Variants in CFAP54 observed in about 807,000 individuals in gnomAD.
The protein encoded by CFAP54 is cilia and flagella associated protein 54, also known as cilia- and flagella-associated protein 54.
Under a neutral mutation model 370.4 loss-of-function variants are expected in CFAP54, and 290 were observed. The ratio of observed to expected loss-of-function variants is 0.78; its 90% CI spans 0.71 to 0.86. The LOEUF (loss-of-function observed/expected upper bound fraction) is 0.86, where lower values mean the gene tolerates loss of function less well. Ranked by LOEUF, CFAP54 falls within the 40% of genes least tolerant of loss-of-function variation. CFAP54 has a pLI of 0.00. For synonymous variants in CFAP54, 1,206 were observed against 1,236.5 expected, an observed-to-expected ratio of 0.98 and a Z score of 0.52; for missense variants, 3,399 against 3,528.7, an observed-to-expected ratio of 0.96 and a Z score of 0.93.
In CFAP54 at chr12:96,765,210, A is replaced by G; in HGVS notation, c.8273A>G (p.Tyr2758Cys). The part of the protein sequence containing the change: ...ALDLLSSYTD[Y>C]LLDNYQVLFQ... ...GATCTTTTGTCTTCGTATACAGATT[A>G]TTTGCTTGGTATGTTTGGATGTCTA... The change falls in exon 60 of 68, where the codon TAT (tyrosine) becomes TGT (cysteine). Residue 2758 changes from tyrosine to cysteine, a missense_variant. Tyr to Cys is a radical substitution (Grantham distance 194). This residue lies in a region of CFAP54 where 2,796 missense variants were observed against 2,869.7 expected (regional missense o/e 0.97). Coordinates refer to ENST00000524981, the MANE Select transcript of CFAP54 (RefSeq NM_001306084.2). 1 of 1,513,486 alleles carries G rather than the reference A, an allele frequency of 6.6e-7. No homozygotes were observed. The highest frequency in any genetic ancestry group is 9.0e-7 in the Non-Finnish European group (1 of 1,113,840). 93.8% of individuals were successfully genotyped at this position (1,513,486 alleles called of 1,614,324 possible).
At chr12:96,578,641 C>T (rs566675432) in intron 20 of CFAP54, among the ~76,000 whole-genome samples, 1 of 152,184 alleles carries the variant, frequency 6.6e-6, no homozygotes, top group Non-Finnish European at 1.5e-5. Context: ...TCAATGAGGA[C>T]GTTATAGGAA....
intron 3 of CFAP54, among the ~76,000 whole-genome samples, chr12:96,506,355 AT>A (rs1955100572): frequency 6.7e-6 from 1 of 149,708 alleles, no homozygotes; most frequent in Non-Finnish European, 1.5e-5. Flanking sequence ...AAAAAAAAAA[AT>A]TGATTCAATT....
At chr12:96,764,999 T>C in intron 59 of CFAP54, 78 bp from the exon 60 acceptor site, 1 of 1,151,560 alleles carries the variant, frequency 8.7e-7, no homozygotes, top group Middle Eastern at 3.2e-4. Context: ...ATTCACTTTT[T>C]TCACATTATT....
At chr12:96,630,277 C>T (rs1471311996) in intron 31 of CFAP54, 73 bp downstream of exon 31, 1 of 715,516 alleles carries the variant, frequency 1.4e-6, no homozygotes, top group Admixed American at 3.1e-5. Context: ...TGATTGGCTA[C>T]ATTTAAACTC....
intron 15 of CFAP54, among the ~76,000 whole-genome samples, chr12:96,548,460 T>A (rs976041202): frequency 6.6e-6 from 1 of 152,148 alleles, no homozygotes; most frequent in Admixed American, 6.6e-5. Context: ...TTTAAAAGTG[T>A]TATTTTATCT....
intron 47 of CFAP54, among the ~76,000 whole-genome samples, chr12:96,707,385 C>G (rs551204699): frequency 1.3e-5 from 2 of 151,984 alleles, no homozygotes; most frequent in African/African-American, 4.8e-5. Flanking sequence ...TATTCAAAGA[C>G]TGATAATTGA....
chr12:96,786,686 C>A lies in CFAP54; in HGVS notation c.8467C>A (p.Pro2823Thr). 6.5e-7 allele frequency: 1 copy of A among 1,531,138 alleles called. No individual in the cohort carries two copies. Among genetic ancestry groups the A allele is most frequent in the Non-Finnish European group, 8.7e-7 (1 of 1,143,750 alleles). 94.8% of individuals were successfully genotyped at this position (1,531,138 alleles called of 1,614,324 possible). ...TTTTCTTTCTTAAGCATCTGCAACA[C>A]CAGTATCTGGAATTTCTTTGCCAGA... ...NLSKLLASAT[P>T]VSGISLPDDT... The change falls in exon 62 of 68, where the codon CCA becomes ACA. Residue 2823 changes from proline (P) to threonine (T), a missense_variant. Physicochemically the swap from Pro to Thr is conservative, Grantham distance 38 (BLOSUM62 -1). Transcript: ENST00000524981.
At chr12:96,684,551 C>T (rs1957304381) in intron 40 of CFAP54, 97 bp from the exon 41 acceptor site, 2 of 917,074 alleles carry the variant, frequency 2.2e-6, no homozygotes, top group African/African-American at 1.7e-5. Context: ...GCAATCTACA[C>T]AGTTAAGGAA....
chr12:96,574,896 G>T (rs1955960131), intron 19 of CFAP54, among the ~76,000 whole-genome samples: 1 of 152,026 alleles, frequency 6.6e-6, no homozygotes, highest in Non-Finnish European at 1.5e-5. Context: ...TATTTGAGAG[G>T]ATATCTGTTT....
intron 39 of CFAP54, among the ~76,000 whole-genome samples, chr12:96,673,712 T>C (rs895909660): frequency 6.6e-6 from 1 of 152,214 alleles, no homozygotes; most frequent in Non-Finnish European, 1.5e-5. Flanking sequence ...AAAGACAGAG[T>C]ACTCATGATG....
intron 4 of CFAP54, among the ~76,000 whole-genome samples, chr12:96,512,465 C>T (rs1565880197): frequency 6.6e-6 from 1 of 151,412 alleles, no homozygotes; most frequent in African/African-American, 2.4e-5. Flanking sequence ...CCCTCAGTCT[C>T]CCAAGTAGCT....
intron 40 of CFAP54, among the ~76,000 whole-genome samples, chr12:96,683,812 G>A (rs2136553754): frequency 6.6e-6 from 1 of 151,752 alleles, no homozygotes; most frequent in Admixed American, 6.5e-5. Flanking sequence ...TTTTTTTTGA[G>A]ATGGAGTCTC....
At chr12:96,656,092 T>C (rs1269461245) in intron 36 of CFAP54, among the ~76,000 whole-genome samples, 1 of 152,134 alleles carries the variant, frequency 6.6e-6, no homozygotes, top group African/African-American at 2.4e-5. Context: ...CTTTTGTAAG[T>C]GTTAGAACTT....
At chr12:96,561,539 C>G (rs916044259) in intron 17 of CFAP54, among the ~76,000 whole-genome samples, 19 of 151,934 alleles carry the variant, frequency 1.3e-4, no homozygotes, top group African/African-American at 4.1e-4. Context: ...TATTCTTGAC[C>G]TATCTTTTGC....
chr12:96,623,271 G>A (rs1210532650), intron 27 of CFAP54, among the ~76,000 whole-genome samples: 3 of 152,080 alleles, frequency 2.0e-5, no homozygotes, highest in Non-Finnish European at 2.9e-5. Flanking sequence ...GCCTGAGTGG[G>A]CAGACAGGCT....
intron 32 of CFAP54, among the ~76,000 whole-genome samples, chr12:96,637,483 G>A (rs943232931): frequency 6.6e-6 from 1 of 151,916 alleles, no homozygotes; most frequent in Non-Finnish European, 1.5e-5. Context: ...TATAATCTTG[G>A]GATTTTCTTT....
intron 4 of CFAP54, among the ~76,000 whole-genome samples, chr12:96,510,822 G>C (rs1266520597): frequency 6.6e-6 from 1 of 152,038 alleles, no homozygotes; most frequent in Admixed American, 6.6e-5. Context: ...AATTAGCTGA[G>C]CGTGGTGGCG....
At chr12:96,615,861 CAA>C (rs1349827830) in intron 26 of CFAP54, among the ~76,000 whole-genome samples, 1 of 152,170 alleles carries the variant, frequency 6.6e-6, no homozygotes. Flanking sequence ...AGTCAGGAAA[CAA>C]GAGGTGCTGG....
At chr12:96,664,777 C>CTATA (rs1255477327) in intron 39 of CFAP54, among the ~76,000 whole-genome samples, 2 of 14,986 alleles carry the variant, frequency 1.3e-4, no homozygotes, top group Non-Finnish European at 2.7e-4. Context: ...ATATCTATAT[C>CTATA]TATATATATA....
Sources: allele counts gnomAD v4.1 joint callset (sites outside exome capture counted in the v4.1 genomes callset), GRCh38; gene constraint gnomAD v4.1.1; regional missense constraint gnomAD v4.1.1; transcripts MANE v1.5; gene names NCBI Gene and HGNC (gene_info 2026-07-23, HGNC 2026-07-21).